The following ATP10D variants were observed in gnomAD, a reference collection of about 807,000 sequenced individuals.
The protein encoded by ATP10D is phospholipid-transporting ATPase VD.
A neutral mutation model predicts 144.8 loss-of-function variants in ATP10D; 89 were observed. The ratio of observed to expected loss-of-function variants is 0.61; its 90% CI spans 0.52 to 0.73. ATP10D has a LOEUF of 0.73. Among genes scored for constraint, ATP10D ranks in the 30% least tolerant of loss-of-function variants. ATP10D has a pLI of 0.00. For synonymous variants in ATP10D, 571 were observed against 615.1 expected, an observed-to-expected ratio of 0.93 and a Z score of 1.06; for missense variants, 1,603 against 1,714.8, an observed-to-expected ratio of 0.93 and a Z score of 1.15.
intron 1 of ATP10D, among the ~76,000 whole-genome samples, chr4:47,501,025 A>G (rs1715655543): frequency 6.6e-6 from 1 of 152,222 alleles, no homozygotes; most frequent in Admixed American, 6.5e-5. Context: ...TTCAACCTGT[A>G]GGTACTGGAA....
At chr4:47,589,281 T>C (rs1720924764) in intron 22 of ATP10D, among the ~76,000 whole-genome samples, 1 of 152,152 alleles carries the variant, frequency 6.6e-6, no homozygotes, top group African/African-American at 2.4e-5. Context: ...ATTGAGAGAA[T>C]AATTTTTGTA....
At chr4:47,517,310 G>A (rs1464532682) in intron 3 of ATP10D, among the ~76,000 whole-genome samples, 2 of 152,212 alleles carry the variant, frequency 1.3e-5, no homozygotes, top group East Asian at 3.9e-4. Flanking sequence ...CCAGATATTG[G>A]GAGGCTGAGG....
intron 5 of ATP10D, among the ~76,000 whole-genome samples, chr4:47,534,829 A>G (rs1044440601): frequency 1.3e-5 from 2 of 152,148 alleles, no homozygotes; most frequent in African/African-American, 4.8e-5. Flanking sequence ...ACCATTGAAA[A>G]TAATGATAGT....
intron 17 of ATP10D, 89 bp downstream of exon 17, chr4:47,572,319 T>C: frequency 8.4e-7 from 1 of 1,192,828 alleles, no homozygotes; most frequent in Non-Finnish European, 1.2e-6. Context: ...TGTGGCAGAG[T>C]GAGGCTGTGT....
chr4:47,498,376 G>C (rs1282170229), intron 1 of ATP10D, among the ~76,000 whole-genome samples: 2 of 152,188 alleles, frequency 1.3e-5, no homozygotes, highest in Non-Finnish European at 2.9e-5. Context: ...AATATCTCCA[G>C]ATATTAGCAA....
intron 5 of ATP10D, among the ~76,000 whole-genome samples, chr4:47,534,320 G>A (rs992296835): frequency 6.6e-6 from 1 of 152,036 alleles, no homozygotes; most frequent in South Asian, 2.1e-4. Flanking sequence ...AACCATCAAG[G>A]GACATTTAAA....
At chr4:47,524,583 C>G (rs933105660) in intron 4 of ATP10D, among the ~76,000 whole-genome samples, 5 of 152,322 alleles carry the variant, frequency 3.3e-5, no homozygotes, top group African/African-American at 1.2e-4. Context: ...CAGTCTAATA[C>G]TAATCAGCAC....
intron 22 of ATP10D, among the ~76,000 whole-genome samples, chr4:47,590,697 A>G (rs776521086): frequency 2.6e-5 from 4 of 152,076 alleles, no homozygotes; most frequent in African/African-American, 4.8e-5. Flanking sequence ...AACACCTACT[A>G]TGTGTCAACA....
chr4:47,574,559 G>C (rs945178812), intron 18 of ATP10D, among the ~76,000 whole-genome samples: 4 of 152,088 alleles, frequency 2.6e-5, no homozygotes, highest in African/African-American at 9.7e-5. Flanking sequence ...TTCAGAAACT[G>C]GTCCTGATCC....
At chr4:47,497,311 C>T (rs1029690078) in intron 1 of ATP10D, among the ~76,000 whole-genome samples, 4 of 152,016 alleles carry the variant, frequency 2.6e-5, no homozygotes, top group Admixed American at 6.6e-5. Flanking sequence ...CAGAATTAGC[C>T]GGGCGTGGTG....
chr4:47,522,658 C>T (rs1294061834), intron 3 of ATP10D, among the ~76,000 whole-genome samples: 4 of 152,172 alleles, frequency 2.6e-5, no homozygotes, highest in African/African-American at 4.8e-5. Context: ...GAGCCTCCAC[C>T]TCCTGGGTTC....
chr4:47,536,606 G>C (rs1717862957), intron 8 of ATP10D, 42 bp downstream of exon 8: 3 of 1,606,910 alleles, frequency 1.9e-6, no homozygotes, highest in Middle Eastern at 1.7e-4. Context: ...TAACATCTTT[G>C]CTGCTTATCC....
At chr4:47,508,201 A>G (rs1269460914) in intron 1 of ATP10D, among the ~76,000 whole-genome samples, 1 of 152,176 alleles carries the variant, frequency 6.6e-6, no homozygotes, top group Non-Finnish European at 1.5e-5. Flanking sequence ...GAAGAATGAG[A>G]TTAGGTAGTA....
At chr4:47,542,317 G>A (rs960240021) in intron 9 of ATP10D, among the ~76,000 whole-genome samples, 10 of 151,174 alleles carry the variant, frequency 6.6e-5, no homozygotes, top group East Asian at 2.0e-4. Flanking sequence ...GGCTGGTCTC[G>A]AACTCCTGGG....
chr4:47,528,774 C>T (rs114110353), intron 5 of ATP10D, among the ~76,000 whole-genome samples: 53 of 152,216 alleles, frequency 3.5e-4, no homozygotes, highest in African/African-American at 1.2e-3. Flanking sequence ...TACACACCAA[C>T]AGTGTATAAG....
At position 47,485,386 on chromosome 4, in the gene ATP10D, T is replaced by C. The variant is rs971453574; in HGVS notation, c.-171T>C. 2 of 151,970 alleles carry C rather than the reference T, an allele frequency of 1.3e-5. No individual in the cohort carries two copies. The highest frequency in any genetic ancestry group is 2.9e-5 in the Non-Finnish European group (2 of 67,998). The allele number at this position is 151,970 out of a possible 1,614,324, so 9.4% of individuals were successfully genotyped here. A position where few individuals can be genotyped will look rare whatever the true frequency, so the allele number is the denominator to read the frequency against. ...GTTTGGGAGATGTCTAAGTGATTTT[T>C]TTTTTTTCCCGGAAGGCAAATGGCT... On this transcript the variant is annotated 5_prime_UTR_variant, in exon 1 of 23. Transcript: ENST00000273859.
chr4:47,575,844 C>A (rs920929431), intron 18 of ATP10D, among the ~76,000 whole-genome samples: 5 of 146,292 alleles, frequency 3.4e-5, no homozygotes, highest in African/African-American at 1.3e-4. Context: ...GGTTCTGGTG[C>A]GGGTTTTCTT....
Position 47,542,990 on chromosome 4 carries a change from T to TA in ATP10D, c.1397-3633dup, listed in dbSNP as rs147349131. Among the ~76,000 whole-genome samples the TA allele has an allele frequency of 2.1e-3, 316 of 152,304 alleles. 1 individual carries two copies. Among genetic ancestry groups the TA allele is most frequent in the South Asian group, 8.3e-3 (40 of 4,822 alleles). ...GATCATTAAATATAGCCTCCATGTTTATATGTGTTTTGAAGTACAGTATTA... is the reference window on the plus strand; with the variant it reads ...GATCATTAAATATAGCCTCCATGTTTAATATGTGTTTTGAAGTACAGTATTA... On this transcript the variant is annotated intron_variant, in intron 9 of 22. Transcript: ENST00000273859.
At chr4:47,509,953 T>C (rs1716229003) in intron 1 of ATP10D, among the ~76,000 whole-genome samples, 2 of 144,138 alleles carry the variant, frequency 1.4e-5, no homozygotes, top group African/African-American at 5.0e-5. Context: ...GGTGTGTGTG[T>C]GTGTGTGTGT....
Sources: gnomAD v4.1 joint callset for allele counts (sites outside exome capture counted in the v4.1 genomes callset) on GRCh38, gnomAD v4.1.1 for gene constraint, MANE v1.5 for transcripts, NCBI Gene and HGNC (gene_info 2026-07-23, HGNC 2026-07-21) for gene names.